Variants in CNTN3 observed in about 807,000 individuals in gnomAD.
CNTN3 encodes the protein contactin 3.
In CNTN3, 60 loss-of-function variants were observed where a neutral mutation model predicts 119.1. The observed-to-expected ratio is 0.50, with a 90% confidence interval of 0.41 to 0.62. CNTN3 has a LOEUF of 0.62. CNTN3 is among the 20% of genes least tolerant of loss of function. The pLI is 0.00. For synonymous variants in CNTN3, 450 were observed against 438.7 expected (o/e 1.03, Z -0.32); for missense variants, 1,101 against 1,242.4 (o/e 0.89, Z 1.71).
intron 1 of CNTN3, among the ~76,000 whole-genome samples, chr3:74,528,153 A>G (rs1575809851): frequency 6.6e-6 from 1 of 151,988 alleles, no homozygotes; most frequent in East Asian, 2.0e-4. Context: ...AGACAAATTT[A>G]AATAATTATA....
At chr3:74,328,748 C>T (rs187799108) in intron 13 of CNTN3, among the ~76,000 whole-genome samples, 1 of 152,142 alleles carries the variant, frequency 6.6e-6, no homozygotes, top group Non-Finnish European at 1.5e-5. Flanking sequence ...GTATTACCCC[C>T]TTTTCCAGCT....
chr3:74,486,729 T>C, intron 3 of CNTN3, 98 bp from the exon 4 acceptor site: 1 of 941,408 alleles, frequency 1.1e-6, no homozygotes, highest in South Asian at 1.9e-5. Context: ...CCCTCAAAAG[T>C]AAAAAGTGAT....
At chr3:74,358,121 C>T (rs1164774240) in intron 11 of CNTN3, among the ~76,000 whole-genome samples, 2 of 152,180 alleles carry the variant, frequency 1.3e-5, no homozygotes, top group Admixed American at 1.3e-4. Flanking sequence ...CCCTAAGCAT[C>T]AAGGCCCTGG....
At chr3:74,427,322 C>A (rs1174221378) in intron 4 of CNTN3, among the ~76,000 whole-genome samples, 2 of 152,156 alleles carry the variant, frequency 1.3e-5, no homozygotes, top group Non-Finnish European at 2.9e-5. Flanking sequence ...CAAGCAGAAC[C>A]TGGCCAAGTA....
intron 5 of CNTN3, among the ~76,000 whole-genome samples, chr3:74,391,986 T>C (rs772895447): frequency 2.6e-5 from 4 of 152,092 alleles, no homozygotes; most frequent in Non-Finnish European, 4.4e-5. Context: ...AAGTAAGACA[T>C]TGTCTTCTAA....
intron 11 of CNTN3, among the ~76,000 whole-genome samples, chr3:74,341,548 T>C (rs1293159136): frequency 2.0e-5 from 3 of 152,184 alleles, no homozygotes; most frequent in Non-Finnish European, 4.4e-5. Context: ...CTTTTATTTG[T>C]ACCTTTTTAT....
chr3:74,285,048 G>A (rs972187650), intron 20 of CNTN3, among the ~76,000 whole-genome samples: 6 of 152,052 alleles, frequency 3.9e-5, no homozygotes, highest in Admixed American at 2.6e-4. Flanking sequence ...AAAGAAAAGG[G>A]GATAGATTTA....
intron 11 of CNTN3, among the ~76,000 whole-genome samples, chr3:74,348,799 G>T (rs1171937228): frequency 6.6e-6 from 1 of 152,154 alleles, no homozygotes; most frequent in African/African-American, 2.4e-5. Flanking sequence ...CATTGTTTTA[G>T]CAGGGCACAT....
At chr3:74,311,718 G>A (rs778312369) in intron 13 of CNTN3, among the ~76,000 whole-genome samples, 21 of 152,160 alleles carry the variant, frequency 1.4e-4, no homozygotes, top group Non-Finnish European at 2.2e-4. Flanking sequence ...TTTCTGATGG[G>A]CAGGTAAGGA....
At chr3:74,275,869 A>C (rs989639670) in intron 20 of CNTN3, among the ~76,000 whole-genome samples, 1 of 152,142 alleles carries the variant, frequency 6.6e-6, no homozygotes, top group Non-Finnish European at 1.5e-5. Context: ...AGAATTCACC[A>C]AACAAATATC....
chr3:74,377,414 T>A (rs1311181795), intron 5 of CNTN3, among the ~76,000 whole-genome samples: 1 of 152,176 alleles, frequency 6.6e-6, no homozygotes, highest in Non-Finnish European at 1.5e-5. Context: ...AATTTACTTA[T>A]CATAAAAATC....
intron 14 of CNTN3, 131 bp downstream of exon 14, chr3:74,302,559 G>A: frequency 1.6e-6 from 1 of 620,096 alleles, no homozygotes; most frequent in Non-Finnish European, 2.9e-6. Flanking sequence ...CATATTCTGT[G>A]GTCTATGAGG....
At chr3:74,394,942 T>C (rs1705008678) in intron 5 of CNTN3, among the ~76,000 whole-genome samples, 1 of 152,184 alleles carries the variant, frequency 6.6e-6, no homozygotes, top group African/African-American at 2.4e-5. Flanking sequence ...TACATTAATA[T>C]ATGGAAAATG....
intron 4 of CNTN3, among the ~76,000 whole-genome samples, chr3:74,458,873 A>T (rs1019876363): frequency 6.6e-6 from 1 of 152,080 alleles, no homozygotes; most frequent in Non-Finnish European, 1.5e-5. Flanking sequence ...TCGGTTCCAA[A>T]GCCCATAGCC....
intron 13 of CNTN3, among the ~76,000 whole-genome samples, chr3:74,314,469 T>C (rs1430665420): frequency 6.6e-6 from 1 of 152,204 alleles, no homozygotes; most frequent in East Asian, 1.9e-4. Context: ...AAATATATAC[T>C]ATGATTGTAC....
intron 2 of CNTN3, among the ~76,000 whole-genome samples, chr3:74,505,011 C>G (rs1703229529): frequency 6.6e-6 from 1 of 151,968 alleles, no homozygotes; most frequent in Non-Finnish European, 1.5e-5. Flanking sequence ...TGTTCCAGAC[C>G]TCTCTGCTTG....
At chr3:74,598,850 A>G (rs935776930) in intron 1 of CNTN3, among the ~76,000 whole-genome samples, 1 of 152,056 alleles carries the variant, frequency 6.6e-6, no homozygotes, top group Non-Finnish European at 1.5e-5. Context: ...ACCAGCATTC[A>G]GAGAAATTTC....
chr3:74,447,009 G>A (rs374614702), intron 4 of CNTN3, among the ~76,000 whole-genome samples: 12 of 152,200 alleles, frequency 7.9e-5, no homozygotes, highest in East Asian at 7.7e-4. Context: ...TTTCATTTAC[G>A]ACTATTTCAC....
chr3:74,401,317 C>T (rs958985665), intron 5 of CNTN3, among the ~76,000 whole-genome samples: 11 of 152,068 alleles, frequency 7.2e-5, no homozygotes, highest in African/African-American at 2.7e-4. Context: ...ACTGTCCCTA[C>T]TGTAACAAAA....
Sources: allele counts gnomAD v4.1 joint callset (sites outside exome capture counted in the v4.1 genomes callset), GRCh38; gene constraint gnomAD v4.1.1; transcripts MANE v1.5; gene names NCBI Gene and HGNC (gene_info 2026-07-23, HGNC 2026-07-21).